RPS6KC1: variants seen among roughly 807,000 people sequenced by gnomAD.
RPS6KC1 encodes the protein ribosomal protein S6 kinase C1, also known as inactive ribosomal protein S6 kinase delta-1.
Under a neutral mutation model 103.8 loss-of-function variants are expected in RPS6KC1, and 54 were observed. The observed-to-expected ratio is 0.52, with a 90% CI of 0.42 to 0.65. The LOEUF (loss-of-function observed/expected upper bound fraction) is 0.65. Among genes scored for constraint, RPS6KC1 ranks in the 30% least tolerant of loss-of-function variants. The pLI is 0.00. For synonymous variants in RPS6KC1, 439 were observed against 438.7 expected (o/e 1.00, Z -0.01); for missense variants, 1,151 against 1,253.8 (o/e 0.92, Z 1.24).
At chr1:213,131,985 G>T (rs972905888) in intron 6 of RPS6KC1, among the ~76,000 whole-genome samples, 81 of 152,116 alleles carry the variant, frequency 5.3e-4, no homozygotes, top group African/African-American at 1.9e-3. Flanking sequence ...TAAGTTATTT[G>T]CATTTAATCT....
chr1:213,588,355 G>A, the RPS6KC1 span, among the ~76,000 whole-genome samples: 21 of 149,644 alleles, frequency 1.4e-4, no homozygotes, highest in African/African-American at 4.0e-4. Flanking sequence ...GTGCAGTGGC[G>A]CAATCTCAGC....
chr1:213,491,700 A>G, the RPS6KC1 span, among the ~76,000 whole-genome samples: 1 of 152,182 alleles, frequency 6.6e-6, no homozygotes, highest in Non-Finnish European at 1.5e-5. Context: ...TAACTTAATC[A>G]TAGCCTTAGA....
At chr1:213,768,382 GA>G in the RPS6KC1 span, among the ~76,000 whole-genome samples, 8 of 150,166 alleles carry the variant, frequency 5.3e-5, no homozygotes, top group East Asian at 5.8e-4. Flanking sequence ...TTTTCAGGGA[GA>G]AAAAAAAATA....
chr1:213,330,659 CCCCTT>C, the RPS6KC1 span, among the ~76,000 whole-genome samples: 1 of 152,314 alleles, frequency 6.6e-6, no homozygotes, highest in South Asian at 2.1e-4. Flanking sequence ...CCACCCTGCG[CCCCTT>C]CTCATTTTAC....
chr1:213,207,543 C>T (rs968868399), intron 8 of RPS6KC1, among the ~76,000 whole-genome samples: 1 of 152,184 alleles, frequency 6.6e-6, no homozygotes. Flanking sequence ...CACTCTGGAG[C>T]TCCAAGCCCC....
the RPS6KC1 span, among the ~76,000 whole-genome samples, chr1:213,860,627 G>C: frequency 1.3e-5 from 2 of 151,998 alleles, no homozygotes; most frequent in Non-Finnish European, 2.9e-5. Flanking sequence ...AGGAGAGAGT[G>C]TTCTAGCAAG....
At chr1:213,359,059 A>T in the RPS6KC1 span, among the ~76,000 whole-genome samples, 2 of 152,168 alleles carry the variant, frequency 1.3e-5, no homozygotes, top group East Asian at 3.8e-4. Context: ...AGTTCTGTAG[A>T]TGTCTGTTAG....
chr1:213,740,797 T>C, the RPS6KC1 span, among the ~76,000 whole-genome samples: 23 of 2,412 alleles, frequency 9.5e-3, 1 homozygote, highest in African/African-American at 0.04. Flanking sequence ...CTCAGATATA[T>C]GTACACATAT....
At chr1:213,620,316 G>T in the RPS6KC1 span, among the ~76,000 whole-genome samples, 6 of 152,330 alleles carry the variant, frequency 3.9e-5, no homozygotes, top group East Asian at 1.2e-3. Flanking sequence ...GGTTTCTGGG[G>T]TCCAAAGTGG....
the RPS6KC1 span, among the ~76,000 whole-genome samples, chr1:213,339,672 C>T: frequency 6.6e-6 from 1 of 152,226 alleles, no homozygotes; most frequent in African/African-American, 2.4e-5. Context: ...TTTGAGAAGA[C>T]AAGCAATCGT....
the RPS6KC1 span, among the ~76,000 whole-genome samples, chr1:213,566,209 T>C: frequency 3.3e-5 from 5 of 152,060 alleles, no homozygotes; most frequent in African/African-American, 1.2e-4. Flanking sequence ...AACTCTGCTC[T>C]GTGTTTGAAA....
chr1:213,096,694 C>G (rs1294887142), intron 3 of RPS6KC1, among the ~76,000 whole-genome samples: 1 of 151,904 alleles, frequency 6.6e-6, no homozygotes, highest in African/African-American at 2.4e-5. Context: ...GATAGTTTTA[C>G]CTTCCCCCAA....
At chr1:213,662,593 C>T in the RPS6KC1 span, among the ~76,000 whole-genome samples, 69,365 of 151,888 alleles carry the variant, frequency 0.46, 16,329 homozygotes, top group South Asian at 0.56. Flanking sequence ...TTAACTTTTC[C>T]AAAGCATGAC....
chr1:213,451,523 C>T, the RPS6KC1 span, among the ~76,000 whole-genome samples: 5 of 152,300 alleles, frequency 3.3e-5, no homozygotes. Flanking sequence ...CTTCAGCTGC[C>T]TTGTTGTCTC....
chr1:213,464,692 C>T, the RPS6KC1 span, among the ~76,000 whole-genome samples: 10 of 151,356 alleles, frequency 6.6e-5, no homozygotes, highest in Admixed American at 5.3e-4. Flanking sequence ...CATAAATGTT[C>T]TTAGGATTCA....
chr1:213,770,470 G>C, the RPS6KC1 span, among the ~76,000 whole-genome samples: 1 of 152,188 alleles, frequency 6.6e-6, no homozygotes, highest in Admixed American at 6.5e-5. Flanking sequence ...GGTAAAAGTG[G>C]TCTGCTGGAG....
chr1:213,565,281 C>T, the RPS6KC1 span, among the ~76,000 whole-genome samples: 3 of 152,106 alleles, frequency 2.0e-5, no homozygotes, highest in Non-Finnish European at 4.4e-5. Context: ...CTAAGAGAAA[C>T]AGAAAAATAC....
intron 6 of RPS6KC1, among the ~76,000 whole-genome samples, chr1:213,160,367 C>A (rs1039960187): frequency 2.6e-5 from 4 of 152,206 alleles, no homozygotes; most frequent in Admixed American, 1.3e-4. Context: ...GTATTTTCCT[C>A]ATGTTATTAC....
chr1:213,415,587 A>G, the RPS6KC1 span, among the ~76,000 whole-genome samples: 1 of 152,192 alleles, frequency 6.6e-6, no homozygotes, highest in Admixed American at 6.5e-5. Context: ...GCGAAGCGGT[A>G]GGGATGGGAT....
Sources: gnomAD v4.1 joint callset for allele counts (sites outside exome capture counted in the v4.1 genomes callset) on GRCh38, gnomAD v4.1.1 for gene constraint, MANE v1.5 for transcripts, NCBI Gene and HGNC (gene_info 2026-07-23, HGNC 2026-07-21) for gene names.